TUSC3: variants seen among roughly 807,000 people sequenced by gnomAD.
The protein encoded by TUSC3 is tumor suppressor candidate 3, also known as dolichyl-diphosphooligosaccharide--protein glycosyltransferase subunit TUSC3.
A neutral mutation model predicts 44.8 loss-of-function variants in TUSC3; 45 were observed. The observed-to-expected ratio is 1.00, with a 90% confidence interval of 0.79 to 1.29. The LOEUF (loss-of-function observed/expected upper bound fraction) is 1.29, where lower values mean the gene tolerates loss of function less well. TUSC3 is among the 50% of genes most tolerant of loss of function. The pLI, the probability that TUSC3 is intolerant of heterozygous loss-of-function variation, is 0.00. For missense variants in TUSC3, 519 were observed against 437.9 expected, an observed-to-expected ratio of 1.19 and a Z score of -1.65; for synonymous variants, 212 against 152.9, an observed-to-expected ratio of 1.39 and a Z score of -2.85.
chr8:15,725,458 C>A (rs1810461872), intron 6 of TUSC3, among the ~76,000 whole-genome samples: 1 of 152,164 alleles, frequency 6.6e-6, no homozygotes, highest in Non-Finnish European at 1.5e-5. Context: ...AAACAAATTA[C>A]TCACTGGCAA....
chr8:15,826,018 CTACTGAAGTGTTATCAG>C, the TUSC3 span, among the ~76,000 whole-genome samples: 2 of 151,588 alleles, frequency 1.3e-5, no homozygotes, highest in African/African-American at 4.8e-5. Flanking sequence ...TTTTTAGCTG[CTACTGAAGTGTTATCAG>C]TATGTCATTT....
At chr8:15,465,331 T>A (rs1033746165) in intron 1 of TUSC3, among the ~76,000 whole-genome samples, 5 of 152,162 alleles carry the variant, frequency 3.3e-5, no homozygotes, top group African/African-American at 1.2e-4. Flanking sequence ...CAGGGAAACT[T>A]ACATGTCTCA....
In TUSC3 at chr8:15,556,253, G is replaced by A. The variant is rs551594662; in HGVS notation, c.138+15685G>A. 5.5e-5 allele frequency among the ~76,000 whole-genome samples: 8 copies of A among 144,898 alleles called. 1 individual carries two copies. The highest frequency in any genetic ancestry group is 1.5e-4 in the African/African-American group (6 of 39,506). Reference sequence around the variant, plus strand: ...TCCCCACCTATGAGTGAGAATATGCGGTGTTTGGTTTTTTGTTCTTGAGAT... The same window carrying A: ...TCCCCACCTATGAGTGAGAATATGCAGTGTTTGGTTTTTTGTTCTTGAGAT... On this transcript the variant is annotated intron_variant, in intron 1 of 10. Coordinates refer to ENST00000503731, the MANE Select transcript of TUSC3 (RefSeq NM_006765.4).
At chr8:15,483,649 A>ATATTTTTTTTTTTT (rs1800694380) in intron 2 of TUSC3, among the ~76,000 whole-genome samples, 25 of 66,164 alleles carry the variant, frequency 3.8e-4, no homozygotes, top group African/African-American at 1.4e-3. Flanking sequence ...TAGCACTGTG[A>ATATTTTTTTTTTTT]TTTTTTTTTT....
the TUSC3 span, among the ~76,000 whole-genome samples, chr8:15,782,992 A>G: frequency 8.5e-5 from 13 of 152,246 alleles, no homozygotes; most frequent in East Asian, 9.6e-4. Context: ...AAAAACCGTT[A>G]TAACTAATAA....
chr8:15,547,235 T>G (rs1801901062), intron 1 of TUSC3, among the ~76,000 whole-genome samples: 1 of 151,668 alleles, frequency 6.6e-6, no homozygotes, highest in African/African-American at 2.4e-5. Flanking sequence ...ACTGATTTTA[T>G]TTAATGGAAA....
chr8:15,608,297 T>C (rs1334771787), intron 1 of TUSC3, among the ~76,000 whole-genome samples: 1 of 152,114 alleles, frequency 6.6e-6, no homozygotes, highest in Non-Finnish European at 1.5e-5. Context: ...CTGAATTCCT[T>C]AGTTTTTTTT....
intron 6 of TUSC3, among the ~76,000 whole-genome samples, chr8:15,719,357 G>T (rs979964106): frequency 2.0e-5 from 3 of 151,948 alleles, no homozygotes; most frequent in African/African-American, 7.2e-5. Context: ...AGATGCCAAA[G>T]ATGTCTCTGT....
chr8:15,599,340 A>G (rs1184895047), intron 1 of TUSC3, among the ~76,000 whole-genome samples: 1 of 151,666 alleles, frequency 6.6e-6, no homozygotes, highest in African/African-American at 2.4e-5. Context: ...TCTTTATCAG[A>G]TGTCTCTTTG....
chr8:15,790,723 G>A, the TUSC3 span, among the ~76,000 whole-genome samples: 1 of 152,180 alleles, frequency 6.6e-6, no homozygotes, highest in South Asian at 2.1e-4. Context: ...AGCTTGCCAG[G>A]AAAGCACACA....
At chr8:15,798,647 T>TGC in the TUSC3 span, among the ~76,000 whole-genome samples, 37 of 133,700 alleles carry the variant, frequency 2.8e-4, no homozygotes, top group African/African-American at 1.1e-3. Flanking sequence ...CTCCTGGGTG[T>TGC]GTGGGGGGGG....
the TUSC3 span, among the ~76,000 whole-genome samples, chr8:15,771,968 A>G: frequency 6.6e-6 from 1 of 152,150 alleles, no homozygotes; most frequent in African/African-American, 2.4e-5. Context: ...GGGCGCCTGT[A>G]GTCCCAGCTA....
chr8:15,734,218 C>G (rs1810840761), intron 7 of TUSC3, among the ~76,000 whole-genome samples: 1 of 152,116 alleles, frequency 6.6e-6, no homozygotes, highest in Non-Finnish European at 1.5e-5. Context: ...ACATTTCTAT[C>G]TTTTGGATTT....
At chr8:15,499,157 G>A (rs922431180) in intron 2 of TUSC3, among the ~76,000 whole-genome samples, 1 of 151,926 alleles carries the variant, frequency 6.6e-6, no homozygotes, top group Non-Finnish European at 1.5e-5. Flanking sequence ...TGTGCCTCTT[G>A]TTAATGCCAA....
At chr8:15,640,144 T>C (rs1044761359) in intron 2 of TUSC3, among the ~76,000 whole-genome samples, 3 of 152,166 alleles carry the variant, frequency 2.0e-5, no homozygotes, top group Non-Finnish European at 2.9e-5. Flanking sequence ...ACACCTGCTT[T>C]TTTTGTGTAA....
rs1194914318 is a variant in TUSC3, at chr8:15,766,218, T to A, written c.*2062T>A. ...GGCTTCTCTATAGACAACTGTTACA[T>A]TAGGGAAGTGATTCTAGAGCAAAAT... is the stretch of plus-strand genomic sequence containing the variant. On this transcript the variant is annotated 3_prime_UTR_variant, in exon 11 of 11. Transcript: ENST00000503731. 1 of 152,028 alleles carries A rather than the reference T, an allele frequency of 6.6e-6. No homozygotes were observed. Among genetic ancestry groups the A allele is most frequent in the Non-Finnish European group, 1.5e-5 (1 of 67,952 alleles). 9.4% of individuals were successfully genotyped at this position (152,028 alleles called of 1,614,324 possible). A position where few individuals can be genotyped will look rare whatever the true frequency, so the allele number is the denominator to read the frequency against.
intron 1 of TUSC3, among the ~76,000 whole-genome samples, chr8:15,581,575 C>T (rs1331030160): frequency 6.7e-6 from 1 of 148,732 alleles, no homozygotes; most frequent in Non-Finnish European, 1.5e-5. Context: ...GAATACCCTG[C>T]AGTGTGAGGT....
intron 1 of TUSC3, among the ~76,000 whole-genome samples, chr8:15,605,639 A>T (rs1463621020): frequency 6.6e-6 from 1 of 151,980 alleles, no homozygotes; most frequent in Non-Finnish European, 1.5e-5. Context: ...GTCTGTCAAG[A>T]GGGCATAAAA....
At chr8:15,672,521 A>G (rs1807993533) in intron 5 of TUSC3, among the ~76,000 whole-genome samples, 1 of 152,052 alleles carries the variant, frequency 6.6e-6, no homozygotes. Context: ...GGTGCTGAAG[A>G]TACATCTGCA....
Sources: allele counts gnomAD v4.1 joint callset (sites outside exome capture counted in the v4.1 genomes callset), GRCh38; gene constraint gnomAD v4.1.1; transcripts MANE v1.5; gene names NCBI Gene and HGNC (gene_info 2026-07-23, HGNC 2026-07-21).